Variants in NRXN3 observed in about 807,000 individuals in gnomAD.
NRXN3 encodes neurexin III.
NRXN3 carries 32 observed loss-of-function variants against 137.6 expected under a neutral mutation model. The ratio of observed to expected loss-of-function variants is 0.23; its 90% CI spans 0.18 to 0.31. The LOEUF (loss-of-function observed/expected upper bound fraction) is 0.31, where lower values mean the gene tolerates loss of function less well. Among genes scored for constraint, NRXN3 ranks in the 10% least tolerant of loss-of-function variants. NRXN3 has a pLI of 1.00. For missense variants in NRXN3, 1,574 were observed against 2,062.5 expected (o/e 0.76, Z 4.59); for synonymous variants, 798 against 784.5 (o/e 1.02, Z -0.29).
At chr14:78,645,851 T>C (rs1343052042) in intron 5 of NRXN3, among the ~76,000 whole-genome samples, 1 of 152,228 alleles carries the variant, frequency 6.6e-6, no homozygotes, top group Non-Finnish European at 1.5e-5. Flanking sequence ...AAGTTAGCCA[T>C]TGCCACGATG....
In NRXN3 at chr14:79,248,159, C is replaced by T. The variant is rs545893658; in HGVS notation, c.3263-219062C>T. Reference sequence around the variant, plus strand: ...AAGTCCACATATGATAACATTTCTGCCTCCACTTAAAACCCTCCAGACAGC... The same window carrying T: ...AAGTCCACATATGATAACATTTCTGTCTCCACTTAAAACCCTCCAGACAGC... On this transcript the variant is annotated intron_variant, in intron 15 of 20. Coordinates refer to ENST00000335750, the MANE Select transcript of NRXN3 (RefSeq NM_001330195.2). 3.3e-5 allele frequency among the ~76,000 whole-genome samples: 5 copies of T among 152,282 alleles called. No individual in the cohort carries two copies. In the East Asian group the frequency reaches 9.7e-4, roughly 29 times the overall value.
At chr14:79,821,800 C>A (rs1375501107) in intron 20 of NRXN3, among the ~76,000 whole-genome samples, 2 of 151,482 alleles carry the variant, frequency 1.3e-5, no homozygotes, top group East Asian at 3.9e-4. Context: ...CTGATGCCTA[C>A]AAAGATAAAC....
chr14:78,717,517 C>A (rs553330000), intron 8 of NRXN3, among the ~76,000 whole-genome samples: 2 of 152,232 alleles, frequency 1.3e-5, no homozygotes, highest in East Asian at 1.9e-4. Flanking sequence ...CTGGATTGTT[C>A]CTGACACCAT....
intron 4 of NRXN3, among the ~76,000 whole-genome samples, chr14:78,367,751 A>C (rs2086197082): frequency 6.6e-6 from 1 of 152,176 alleles, no homozygotes; most frequent in South Asian, 2.1e-4. Context: ...CATTTTTCTG[A>C]ATCTGATTCT....
intron 1 of NRXN3, among the ~76,000 whole-genome samples, chr14:78,219,176 C>A (rs1163746345): frequency 1.3e-5 from 2 of 152,050 alleles, no homozygotes; most frequent in African/African-American, 2.4e-5. Context: ...TGCAGTTCAG[C>A]CCCCAACAAT....
At chr14:78,718,610 C>T (rs1217653154) in intron 8 of NRXN3, among the ~76,000 whole-genome samples, 2 of 152,206 alleles carry the variant, frequency 1.3e-5, no homozygotes, top group African/African-American at 4.8e-5. Flanking sequence ...AATTGGATAA[C>T]TCCTGCTTCT....
intron 15 of NRXN3, among the ~76,000 whole-genome samples, chr14:79,256,191 T>TCTCTCTCA (rs911110106): frequency 2.0e-5 from 3 of 150,320 alleles, no homozygotes; most frequent in African/African-American, 7.3e-5. Context: ...TCTCTCTCTC[T>TCTCTCTCA]CACACACACA....
intron 14 of NRXN3, among the ~76,000 whole-genome samples, chr14:78,978,141 C>T (rs910247554): frequency 7.2e-5 from 11 of 152,164 alleles, no homozygotes; most frequent in Non-Finnish European, 1.6e-4. Context: ...TCACTCTAAT[C>T]ATGTGACCTT....
intron 4 of NRXN3, among the ~76,000 whole-genome samples, chr14:78,395,459 A>C (rs1377051833): frequency 6.6e-6 from 1 of 151,910 alleles, no homozygotes; most frequent in African/African-American, 2.4e-5. Context: ...GATGTGGACT[A>C]TCTTGGAAAA....
intron 15 of NRXN3, among the ~76,000 whole-genome samples, chr14:79,035,394 C>A (rs1240752617): frequency 1.3e-5 from 2 of 151,966 alleles, no homozygotes; most frequent in Non-Finnish European, 2.9e-5. Flanking sequence ...ATAAAACGTG[C>A]CATATTTGGT....
intron 20 of NRXN3, among the ~76,000 whole-genome samples, chr14:79,859,773 A>T (rs1028814777): frequency 1.3e-5 from 2 of 152,236 alleles, no homozygotes; most frequent in Non-Finnish European, 2.9e-5. Context: ...GCTCAGAAAG[A>T]GGCCTTCAAC....
At chr14:78,882,603 G>T (rs1165631634) in intron 10 of NRXN3, among the ~76,000 whole-genome samples, 1 of 151,652 alleles carries the variant, frequency 6.6e-6, no homozygotes, top group Non-Finnish European at 1.5e-5. Context: ...CTCCCATTTG[G>T]AATGGGTATA....
At chr14:78,871,757 A>T (rs1321916479) in intron 10 of NRXN3, among the ~76,000 whole-genome samples, 4 of 152,028 alleles carry the variant, frequency 2.6e-5, no homozygotes. Context: ...TGATTTATCT[A>T]CTCAGACTTT....
intron 15 of NRXN3, among the ~76,000 whole-genome samples, chr14:79,254,288 C>T (rs1348213180): frequency 6.6e-6 from 1 of 152,126 alleles, no homozygotes; most frequent in African/African-American, 2.4e-5. Flanking sequence ...TTCTGATAAT[C>T]TCAGTTGAAT....
intron 4 of NRXN3, among the ~76,000 whole-genome samples, chr14:78,389,304 C>T (rs1463728521): frequency 2.6e-5 from 4 of 152,104 alleles, no homozygotes; most frequent in African/African-American, 9.7e-5. Flanking sequence ...GATCCGTCCT[C>T]CTCAGCCTCC....
intron 10 of NRXN3, among the ~76,000 whole-genome samples, chr14:78,837,668 C>T (rs1029680669): frequency 5.9e-5 from 9 of 152,098 alleles, no homozygotes; most frequent in African/African-American, 1.2e-4. Context: ...AGGTGGAAGT[C>T]GCCTGTGGGT....
At chr14:79,280,770 C>G (rs1350604197) in intron 15 of NRXN3, 5 of 525,068 alleles carry the variant, frequency 9.5e-6, no homozygotes, top group Non-Finnish European at 1.7e-5. Context: ...GTTCTTTTCC[C>G]CTTAGCTCCC....
At chr14:79,027,343 T>G (rs1161149352) in intron 15 of NRXN3, among the ~76,000 whole-genome samples, 2 of 152,058 alleles carry the variant, frequency 1.3e-5, no homozygotes, top group Non-Finnish European at 2.9e-5. Flanking sequence ...AGTGAGTTAT[T>G]CCATCTGGTT....
chr14:78,906,980 T>C lies in NRXN3; in HGVS notation c.2276-50262T>C, dbSNP rs111512182. On this transcript the variant is annotated intron_variant, in intron 10 of 20. Transcript: ENST00000335750. Reference sequence around the variant, plus strand: ...GTAAAATAATTCGCTCAATCTGGGCTGAGATACACTCCTTAAAGTCAAGGA... The same window carrying C: ...GTAAAATAATTCGCTCAATCTGGGCCGAGATACACTCCTTAAAGTCAAGGA... Among the ~76,000 whole-genome samples the C allele has an allele frequency of 1.3e-3, 204 of 152,162 alleles. 1 individual carries two copies. The highest frequency in any genetic ancestry group is 2.4e-3 in the Non-Finnish European group (163 of 67,972).
Sources: allele counts gnomAD v4.1 joint callset (sites outside exome capture counted in the v4.1 genomes callset), GRCh38; gene constraint gnomAD v4.1.1; transcripts MANE v1.5; gene names NCBI Gene and HGNC (gene_info 2026-07-23, HGNC 2026-07-21).